Variants in CLNK observed in about 807,000 individuals in gnomAD.
The protein encoded by CLNK is cytokine-dependent hematopoietic cell linker.
Under a neutral mutation model 68.6 loss-of-function variants are expected in CLNK, and 74 were observed. The observed-to-expected ratio is 1.08, with a 90% CI of 0.89 to 1.31. The LOEUF (loss-of-function observed/expected upper bound fraction) is 1.31. Among genes scored for constraint, CLNK ranks in the 50% most tolerant of loss-of-function variants. The pLI, the probability that CLNK is intolerant of heterozygous loss-of-function variation, is 0.00. For synonymous variants in CLNK, 198 were observed against 172.2 expected (o/e 1.15, Z -1.17); for missense variants, 553 against 515.3 (o/e 1.07, Z -0.71).
the CLNK span, among the ~76,000 whole-genome samples, chr4:10,731,443 TG>T: frequency 1.3e-5 from 2 of 152,228 alleles, no homozygotes; most frequent in African/African-American, 4.8e-5. Context: ...CCACATCTTT[TG>T]TTCCTTAGTT....
At chr4:10,707,213 C>T in the CLNK span, among the ~76,000 whole-genome samples, 1 of 152,140 alleles carries the variant, frequency 6.6e-6, no homozygotes. Flanking sequence ...TATACTAACA[C>T]TAACAATAAC....
At chr4:10,584,256 A>T (rs1437690249) in intron 4 of CLNK, among the ~76,000 whole-genome samples, 2 of 152,122 alleles carry the variant, frequency 1.3e-5, no homozygotes, top group Non-Finnish European at 2.9e-5. Context: ...TGAAACTTTC[A>T]AATGCCTTTG....
chr4:10,715,944 G>A, the CLNK span, among the ~76,000 whole-genome samples: 2 of 152,204 alleles, frequency 1.3e-5, no homozygotes, highest in East Asian at 1.9e-4. Flanking sequence ...CAGCTGCTTA[G>A]AATTAGGATC....
intron 2 of CLNK, among the ~76,000 whole-genome samples, chr4:10,666,175 AG>A (rs1456797418): frequency 2.0e-5 from 3 of 152,188 alleles, no homozygotes; most frequent in African/African-American, 4.8e-5. Flanking sequence ...GGAGGGAGAA[AG>A]GACTTGCTGA....
chr4:10,532,849 C>T (rs1718601859), intron 11 of CLNK, among the ~76,000 whole-genome samples: 1 of 152,196 alleles, frequency 6.6e-6, no homozygotes, highest in South Asian at 2.1e-4. Flanking sequence ...AAACTTCAAG[C>T]TTTTCATTTT....
At chr4:10,499,717 G>A (rs1401611925) in intron 18 of CLNK, among the ~76,000 whole-genome samples, 3 of 152,096 alleles carry the variant, frequency 2.0e-5, no homozygotes, top group East Asian at 1.9e-4. Flanking sequence ...GTCTTTCTTC[G>A]CAGTTCTCGA....
At chr4:10,679,348 C>T (rs991734809) in intron 1 of CLNK, among the ~76,000 whole-genome samples, 24 of 152,144 alleles carry the variant, frequency 1.6e-4, no homozygotes, top group Non-Finnish European at 2.9e-5. Context: ...TTCCTTACAC[C>T]TTACACAAAA....
At chr4:10,728,794 G>A in the CLNK span, among the ~76,000 whole-genome samples, 4 of 151,636 alleles carry the variant, frequency 2.6e-5, no homozygotes, top group South Asian at 2.1e-4. Flanking sequence ...ACGGGGTTTC[G>A]CCATGTTAGT....
chr4:10,624,379 G>A (rs546237165), intron 2 of CLNK, among the ~76,000 whole-genome samples: 1 of 152,182 alleles, frequency 6.6e-6, no homozygotes, highest in African/African-American at 2.4e-5. Flanking sequence ...TGCAAGCTCC[G>A]CCTCCTGGGT....
At chr4:10,562,259 T>C (rs748847153) in intron 7 of CLNK, among the ~76,000 whole-genome samples, 3 of 152,118 alleles carry the variant, frequency 2.0e-5, no homozygotes, top group Admixed American at 6.5e-5. Flanking sequence ...GTGTTTTCTA[T>C]GTATTACTAC....
intron 18 of CLNK, among the ~76,000 whole-genome samples, chr4:10,492,331 TG>T (rs976823304): frequency 6.6e-6 from 1 of 152,116 alleles, no homozygotes; most frequent in African/African-American, 2.4e-5. Context: ...GGGAGCCGTG[TG>T]GGGGCTACTC....
At chr4:10,606,775 T>C (rs1410836012) in intron 2 of CLNK, among the ~76,000 whole-genome samples, 1 of 152,208 alleles carries the variant, frequency 6.6e-6, no homozygotes, top group Non-Finnish European at 1.5e-5. Context: ...TATCTATATA[T>C]CTATATCTAT....
At chr4:10,687,974 T>C (rs1725329948), upstream of CLNK, among the ~76,000 whole-genome samples, 1 of 152,222 alleles carries the variant, frequency 6.6e-6, no homozygotes, top group Non-Finnish European at 1.5e-5. Flanking sequence ...GTTATCCAGA[T>C]GTATCACACA....
In CLNK at chr4:10,621,576, A is replaced by C. The variant is rs567537634; in HGVS notation, c.12-23527T>G. ...AAGATCCACAAATGCTAGTCACTGG[A>C]ATCTGCAGCCCTTGAATTAATTCTG... On this transcript the variant is annotated intron_variant, in intron 2 of 18. Coordinates refer to ENST00000226951, the MANE Select transcript of CLNK (RefSeq NM_052964.4). 2.0e-4 allele frequency among the ~76,000 whole-genome samples: 31 copies of C among 152,314 alleles called. No individual in the cohort carries two copies. In the South Asian group the frequency reaches 2.5e-3, roughly 12 times the overall value.
chr4:10,610,351 T>A (rs1394527667), intron 2 of CLNK, among the ~76,000 whole-genome samples: 1 of 151,634 alleles, frequency 6.6e-6, no homozygotes, highest in Non-Finnish European at 1.5e-5. Context: ...GCCCGTTTTT[T>A]TTTTTTCTTT....
intron 11 of CLNK, among the ~76,000 whole-genome samples, chr4:10,533,364 A>C (rs1260669957): frequency 6.6e-6 from 1 of 152,212 alleles, no homozygotes; most frequent in East Asian, 1.9e-4. Flanking sequence ...GAGTGGAGTG[A>C]GGGTATATGT....
the CLNK span, among the ~76,000 whole-genome samples, chr4:10,723,727 A>C: frequency 6.6e-6 from 1 of 152,110 alleles, no homozygotes; most frequent in East Asian, 1.9e-4. Context: ...ATATTACTTA[A>C]CTGTACATAG....
chr4:10,641,358 T>G (rs1025976672), intron 2 of CLNK, among the ~76,000 whole-genome samples: 1 of 152,092 alleles, frequency 6.6e-6, no homozygotes, highest in South Asian at 2.1e-4. Flanking sequence ...TCATTGGGGT[T>G]TCTAATAATC....
At chr4:10,653,601 G>A (rs1437559913) in intron 2 of CLNK, among the ~76,000 whole-genome samples, 1 of 152,040 alleles carries the variant, frequency 6.6e-6, no homozygotes, top group Non-Finnish European at 1.5e-5. Context: ...AGAACAGGAT[G>A]GCTAAAATTT....
Sources: gnomAD v4.1 joint callset for allele counts (sites outside exome capture counted in the v4.1 genomes callset) on GRCh38, gnomAD v4.1.1 for gene constraint, MANE v1.5 for transcripts, NCBI Gene and HGNC (gene_info 2026-07-23, HGNC 2026-07-21) for gene names.